The following ACLY variants were observed in gnomAD, a reference collection of about 807,000 sequenced individuals.
ACLY encodes ATP-citrate synthase.
In ACLY, 41 loss-of-function variants were observed where a neutral mutation model predicts 133.0. That is an observed-to-expected ratio of 0.31 (90% CI 0.24 to 0.40). The LOEUF (loss-of-function observed/expected upper bound fraction) is 0.40, where lower values mean the gene tolerates loss of function less well. ACLY is among the 10% of genes least tolerant of loss of function. The pLI is 1.00. For synonymous variants in ACLY, 495 were observed against 549.3 expected, an observed-to-expected ratio of 0.90 and a Z score of 1.38; for missense variants, 1,046 against 1,453.8, an observed-to-expected ratio of 0.72 and a Z score of 4.56.
chr17:41,924,609 A>C (rs1555635805), intron 1 of ACLY, among the ~76,000 whole-genome samples: 1 of 152,108 alleles, frequency 6.6e-6, no homozygotes. Context: ...ACTTTTGCCC[A>C]GTACTGACAA....
Position 41,907,552 on chromosome 17 carries a change from A to G in ACLY, c.637T>C (p.Tyr213His), listed in dbSNP as rs782579696. ...NPLVVTKDGVYVLDLAAKVDA... is the reference protein window; with the variant it reads ...NPLVVTKDGVHVLDLAAKVDA... ...ACCTTGGCCGCCAAGTCAAGGACAT[A>G]GACTCCATCTTTGGTCACTACTTCA... Residue 213 changes from tyrosine to histidine, a missense_variant, in exon 7 of 29, where the codon TAT becomes CAT. Transcript: ENST00000352035. 1.9e-5 allele frequency: 31 copies of G among 1,613,982 alleles called. No individual in the cohort carries two copies. Among genetic ancestry groups the G allele is most frequent in the Non-Finnish European group, 1.5e-5 (18 of 1,179,994 alleles).
intron 27 of ACLY, 117 bp from the exon 28 acceptor site, chr17:41,868,902 T>TA: frequency 7.4e-7 from 1 of 1,348,648 alleles, no homozygotes; most frequent in Non-Finnish European, 1.1e-6. Flanking sequence ...GTGGTAGCAT[T>TA]ACAGGCAATT....
intron 14 of ACLY, among the ~76,000 whole-genome samples, chr17:41,894,937 C>T (rs552363658): frequency 2.6e-5 from 4 of 152,184 alleles, no homozygotes; most frequent in African/African-American, 9.7e-5. Flanking sequence ...AATCCCTGTA[C>T]AGGCCTGCCT....
chr17:41,904,486 G>GC (rs1955310634), intron 10 of ACLY: 1 of 516,500 alleles, frequency 1.9e-6, no homozygotes, highest in Non-Finnish European at 3.5e-6. Context: ...CGCCTCCCAT[G>GC]CTTCAGGTGG....
chr17:41,925,903 G>T (rs892369861), intron 1 of ACLY, among the ~76,000 whole-genome samples: 1 of 151,828 alleles, frequency 6.6e-6, no homozygotes, highest in Non-Finnish European at 1.5e-5. Flanking sequence ...GGAGTGCAGT[G>T]GTGTGATCAT....
chr17:41,898,935 T>C (rs2049448064), intron 11 of ACLY, 150 bp from the exon 12 acceptor site: 2 of 794,064 alleles, frequency 2.5e-6, no homozygotes, highest in Non-Finnish European at 1.9e-6. Context: ...GCTGTCATAA[T>C]TTCACCACCA....
At chr17:41,897,091 T>C (rs2049389562) in intron 13 of ACLY, among the ~76,000 whole-genome samples, 1 of 152,218 alleles carries the variant, frequency 6.6e-6, no homozygotes, top group Non-Finnish European at 1.5e-5. Context: ...GATGCTGATT[T>C]GGGACAGTGT....
intron 23 of ACLY, 67 bp downstream of exon 23, chr17:41,873,744 C>T (rs1416441797): frequency 3.4e-6 from 5 of 1,470,984 alleles, no homozygotes; most frequent in Non-Finnish European, 4.5e-6. Flanking sequence ...ACTCCCACCC[C>T]TTTGTTGGGG....
rs782455912 is a variant in ACLY, at chr17:41,886,156, C to A, written c.2028G>T (p.Arg676=). ...MSNELNNIIS[R]TTDGVYEGVA... is the part of the protein sequence containing the mutation. ...CGCCCTCATAGACGCCATCCGTGGT[C>A]CGAGAGATGATATTGTTGAGCTCGT... The change falls in exon 18 of 29, where the codon CGG becomes CGT. Residue 676 remains arginine (R), a synonymous_variant. Coordinates refer to ENST00000352035, the MANE Select transcript of ACLY (RefSeq NM_001096.3). 1.9e-6 allele frequency: 3 copies of A among 1,614,098 alleles called. No individual in the cohort carries two copies. The highest frequency in any genetic ancestry group is 1.1e-5 in the South Asian group (1 of 91,066).
At chr17:41,918,847 C>G (rs1555634939) in intron 1 of ACLY, 33 bp downstream of exon 1, 1 of 1,286,506 alleles carries the variant, frequency 7.8e-7, no homozygotes, top group Non-Finnish European at 1.0e-6. Flanking sequence ...GGCGAGCGGG[C>G]TCCAGCCAGC....
chr17:41,875,450 G>A (rs1555625925), intron 22 of ACLY, among the ~76,000 whole-genome samples: 2 of 140,294 alleles, frequency 1.4e-5, no homozygotes, highest in East Asian at 2.1e-4. Context: ...CTCTCCCCAC[G>A]GTCTCCCTCT....
At chr17:41,920,902 A>G (rs1480077631), upstream of ACLY, among the ~76,000 whole-genome samples, 1 of 152,140 alleles carries the variant, frequency 6.6e-6, no homozygotes. Context: ...TTCTACTAAA[A>G]ATACAAAAAA....
rs1472750391 is a variant in ACLY at position 41,878,129 on chromosome 17, C to T, written c.2461G>A (p.Val821Met). 1.3e-6 allele frequency: 2 copies of T among 1,583,386 alleles called. No individual in the cohort carries two copies. The highest frequency in any genetic ancestry group is 1.7e-6 in the Non-Finnish European group (2 of 1,164,902). ...CTGGCCCAGGAGTAGTCCATGGGCA[C>T]GGTTGGGGGCGGCACCTCCTGGGCA... ...VPAQEVPPPT[V>M]PMDYSWAREL... Residue 821 changes from valine to methionine, a missense_variant, in exon 22 of 29, where the codon GTG becomes ATG. Physicochemically the swap from Val to Met is conservative, Grantham distance 21. Transcript: ENST00000352035.
rs781886029 is a variant in ACLY at position 41,878,214 on chromosome 17, A to G, written c.2394-18T>C. The G allele has an allele frequency of 6.5e-7, 1 of 1,533,626 alleles. No individual in the cohort carries two copies. The highest frequency in any genetic ancestry group is 1.2e-5 in the South Asian group (1 of 80,844). On this transcript the variant is annotated intron_variant, in intron 21 of 28. Transcript: ENST00000352035. ...ATACAGACCTGGGAGGCAGGAAAAAAAAGACATCCATGTGGATTTTCTTAT... is the reference window on the plus strand; with the variant it reads ...ATACAGACCTGGGAGGCAGGAAAAAGAAGACATCCATGTGGATTTTCTTAT...
At position 41,896,145 on chromosome 17, in the gene ACLY, C is replaced by T. The variant is rs145639420; in HGVS notation, c.1459+475G>A. The stretch of plus-strand genomic sequence containing the variant: ...AGGATGAAGCTGGCAGTGGTGAAGC[C>T]GAGGCAGGAAAGGTGGGAAAATGAC... On this transcript the variant is annotated intron_variant, in intron 14 of 28. Transcript: ENST00000352035. Among the ~76,000 whole-genome samples, 657 of 152,176 alleles carry T rather than the reference C, an allele frequency of 4.3e-3. 7 individuals carry two copies. Among genetic ancestry groups the T allele is most frequent in the Non-Finnish European group, 6.5e-3 (440 of 68,024 alleles).
intron 20 of ACLY, among the ~76,000 whole-genome samples, chr17:41,882,551 C>T (rs986319659): frequency 3.9e-5 from 6 of 152,044 alleles, no homozygotes; most frequent in African/African-American, 1.2e-4. Flanking sequence ...TGAAGTCTGG[C>T]GTATGATCCC....
chr17:41,923,005 C>T (rs1391745304), upstream of ACLY, among the ~76,000 whole-genome samples: 1 of 152,046 alleles, frequency 6.6e-6, no homozygotes, highest in African/African-American at 2.4e-5. Flanking sequence ...AATCTAGAAC[C>T]CATCTTCTCA....
intron 26 of ACLY, 92 bp downstream of exon 26, chr17:41,869,381 CT>C: frequency 9.0e-7 from 1 of 1,110,924 alleles, no homozygotes; most frequent in Non-Finnish European, 1.3e-6. Flanking sequence ...ACTAGGTTTG[CT>C]TTTAGCTGCA....
chr17:41,874,434 G>A (rs553284880), intron 22 of ACLY, among the ~76,000 whole-genome samples: 46 of 152,194 alleles, frequency 3.0e-4, no homozygotes, highest in South Asian at 6.2e-4. Context: ...GCCACGCCTG[G>A]CTAATTTTAA....
Sources: allele counts gnomAD v4.1 joint callset (sites outside exome capture counted in the v4.1 genomes callset), GRCh38; gene constraint gnomAD v4.1.1; transcripts MANE v1.5; gene names NCBI Gene and HGNC (gene_info 2026-07-23, HGNC 2026-07-21).